Variants in ATP2B4 observed in about 807,000 individuals in gnomAD.
ATP2B4 encodes the protein ATPase plasma membrane Ca2+ transporting 4, also known as plasma membrane calcium-transporting ATPase 4.
ATP2B4 carries 39 observed loss-of-function variants against 110.3 expected under a neutral mutation model. The observed-to-expected ratio is 0.35, with a 90% CI of 0.27 to 0.46. The LOEUF is 0.46. Ranked by LOEUF, ATP2B4 falls within the 20% of genes least tolerant of loss-of-function variation. The probability of loss-of-function intolerance (pLI) is 1.00; values close to 1 mark genes in which losing one functional copy is unlikely to be tolerated. For synonymous variants in ATP2B4, 538 were observed against 571.7 expected (o/e 0.94, Z 0.84); for missense variants, 1,135 against 1,530.9 (o/e 0.74, Z 4.32).
chr1:203,637,453 A>T (rs75620478), intron 1 of ATP2B4, among the ~76,000 whole-genome samples: 3 of 151,272 alleles, frequency 2.0e-5, no homozygotes, highest in African/African-American at 7.3e-5. Flanking sequence ...AAAAAAAAAA[A>T]AGCCAATATA....
intron 1 of ATP2B4, among the ~76,000 whole-genome samples, chr1:203,680,564 G>C (rs1373876550): frequency 6.8e-6 from 1 of 146,482 alleles, no homozygotes. Flanking sequence ...AGCTGAGATC[G>C]CGCCACTGCA....
intron 2 of ATP2B4, among the ~76,000 whole-genome samples, chr1:203,688,442 G>T (rs1665266617): frequency 6.6e-6 from 1 of 150,480 alleles, no homozygotes; most frequent in Non-Finnish European, 1.5e-5. Flanking sequence ...GGGACTACAG[G>T]TGTGCACCAC....
At chr1:203,656,891 T>G in intron 1 of ATP2B4, 1 of 534,842 alleles carries the variant, frequency 1.9e-6, no homozygotes. Flanking sequence ...TATATGGCTG[T>G]TTGGTAGAAA....
intron 7 of ATP2B4, 136 bp downstream of exon 7, chr1:203,702,215 G>A: frequency 8.7e-7 from 1 of 1,152,204 alleles, no homozygotes; most frequent in African/African-American, 1.6e-5. Flanking sequence ...CTCATCCTGA[G>A]GAAGGTGCAG....
chr1:203,663,023 G>C (rs1049951523), intron 1 of ATP2B4, among the ~76,000 whole-genome samples: 3 of 152,156 alleles, frequency 2.0e-5, no homozygotes, highest in African/African-American at 7.2e-5. Flanking sequence ...AGACCCTATT[G>C]TTAACCCTGG....
At chr1:203,711,835 A>G (rs1666017252) in intron 12 of ATP2B4, 125 bp from the exon 13 acceptor site, 5 of 1,085,254 alleles carry the variant, frequency 4.6e-6, no homozygotes, top group South Asian at 1.5e-5. Context: ...GACCTAGCCC[A>G]TGCTGCATGG....
At chr1:203,679,163 C>T (rs1480503852) in intron 1 of ATP2B4, among the ~76,000 whole-genome samples, 2 of 151,918 alleles carry the variant, frequency 1.3e-5, no homozygotes, top group Non-Finnish European at 2.9e-5. Context: ...AGAGGTAGTA[C>T]CTTTCAGGTG....
chr1:203,669,356 C>G (rs571923635), intron 1 of ATP2B4, among the ~76,000 whole-genome samples: 1 of 152,316 alleles, frequency 6.6e-6, no homozygotes, highest in East Asian at 1.9e-4. Context: ...GGAGCAAGTG[C>G]TGAAGGAGTG....
At chr1:203,697,729 C>A (rs1665574564) in intron 2 of ATP2B4, among the ~76,000 whole-genome samples, 1 of 152,130 alleles carries the variant, frequency 6.6e-6, no homozygotes. Context: ...GAGACAAGGT[C>A]TCATTTTGTT....
intron 1 of ATP2B4, among the ~76,000 whole-genome samples, chr1:203,679,129 C>G (rs937638715): frequency 2.0e-5 from 3 of 151,910 alleles, no homozygotes; most frequent in Non-Finnish European, 4.4e-5. Context: ...TGCCCCAAGC[C>G]GAATGACTAA....
chr1:203,630,132 T>C (rs2102290084), intron 1 of ATP2B4, among the ~76,000 whole-genome samples: 1 of 152,130 alleles, frequency 6.6e-6, no homozygotes, highest in South Asian at 2.1e-4. Flanking sequence ...TTGCCGAAGG[T>C]GTGGGGGCTG....
intron 15 of ATP2B4, among the ~76,000 whole-genome samples, chr1:203,714,626 C>CT (rs1487547379): frequency 1.5e-4 from 23 of 152,306 alleles, no homozygotes; most frequent in Non-Finnish European, 1.0e-4. Context: ...GGGTATTCCG[C>CT]TTTTCACTTC....
At chr1:203,702,664 TCA>T (rs1390884441) in intron 7 of ATP2B4, among the ~76,000 whole-genome samples, 1 of 152,200 alleles carries the variant, frequency 6.6e-6, no homozygotes, top group African/African-American at 2.4e-5. Context: ...GTGACTGTGT[TCA>T]CATTCTGTCT....
intron 1 of ATP2B4, among the ~76,000 whole-genome samples, chr1:203,628,336 G>A (rs1663152241): frequency 6.6e-6 from 1 of 152,174 alleles, no homozygotes; most frequent in African/African-American, 2.4e-5. Context: ...CTCCAACTGG[G>A]TGTGGAGGGT....
In ATP2B4 at chr1:203,715,502, G is replaced by A. The variant is rs905947916; in HGVS notation, c.2406+1225G>A. 2.2e-5 allele frequency among the ~76,000 whole-genome samples: 3 copies of A among 137,276 alleles called. 1 individual carries two copies. Among genetic ancestry groups the A allele is most frequent in the Non-Finnish European group, 4.8e-5 (3 of 62,690 alleles). The allele number at this position is 137,276 out of a possible 152,430, so 90.1% of individuals were successfully genotyped here. A position where few individuals can be genotyped will look rare whatever the true frequency, so the allele number is the denominator to read the frequency against. On this transcript the variant is annotated intron_variant, in intron 15 of 20. Transcript: ENST00000357681. Reference sequence around the variant, plus strand: ...TGGGAGGCAGAGGTTACGATGAGCCGAGTTAGCACCACTGCACCCCAGCCT... The same window carrying A: ...TGGGAGGCAGAGGTTACGATGAGCCAAGTTAGCACCACTGCACCCCAGCCT...
intron 1 of ATP2B4, among the ~76,000 whole-genome samples, chr1:203,659,346 A>G (rs1664262786): frequency 2.0e-5 from 3 of 152,244 alleles, no homozygotes. Flanking sequence ...TATATGTCAG[A>G]ATGACAAGCC....
chr1:203,653,985 A>ATAT (rs1426863910), intron 1 of ATP2B4, among the ~76,000 whole-genome samples: 54 of 112,426 alleles, frequency 4.8e-4, no homozygotes, highest in African/African-American at 2.0e-3. Flanking sequence ...ATATATATAT[A>ATAT]TTTTTTTTTT....
intron 1 of ATP2B4, among the ~76,000 whole-genome samples, chr1:203,668,917 A>T (rs1265999943): frequency 6.6e-6 from 1 of 152,218 alleles, no homozygotes; most frequent in African/African-American, 2.4e-5. Flanking sequence ...AGGGATACAC[A>T]TAAGTATGGG....
At position 203,700,921 on chromosome 1, in the gene ATP2B4, A is replaced by C. The variant is rs1447160930; in HGVS notation, c.899A>C (p.Lys300Thr). ...GATGACGAAGGGGAGAAAAAGAAGAAAGGTAAGGGGCATCTGGAATGAGAT... is the reference window on the plus strand; with the variant it reads ...GATGACGAAGGGGAGAAAAAGAAGACAGGTAAGGGGCATCTGGAATGAGAT... The part of the protein sequence containing the change: ...NEDDEGEKKK[K>T]GKKQGVPENR... Residue 300 changes from lysine to threonine, a missense_variant and splice_region_variant, in exon 6 of 21, where the codon AAA (lysine) becomes ACA (threonine). This residue lies in a region of ATP2B4 where 162 missense variants were observed against 210.5 expected (regional missense o/e 0.77). Transcript: ENST00000357681. The C allele has an allele frequency of 6.2e-7, 1 of 1,612,488 alleles. No individual in the cohort carries two copies. The highest frequency in any genetic ancestry group is 2.2e-5 in the East Asian group (1 of 44,814).
Sources: allele counts gnomAD v4.1 joint callset (sites outside exome capture counted in the v4.1 genomes callset), GRCh38; gene constraint gnomAD v4.1.1; regional missense constraint gnomAD v4.1.1; transcripts MANE v1.5; gene names NCBI Gene and HGNC (gene_info 2026-07-23, HGNC 2026-07-21).